Variants in RBFOX1 observed in about 807,000 individuals in gnomAD.
The protein encoded by RBFOX1 is RNA binding fox-1 homolog 1, also known as RNA binding protein fox-1 homolog 1.
A neutral mutation model predicts 57.7 loss-of-function variants in RBFOX1; 8 were observed. The observed-to-expected ratio is 0.14, with a 90% confidence interval of 0.08 to 0.25. The LOEUF is 0.25. Among genes scored for constraint, RBFOX1 ranks in the 10% least tolerant of loss-of-function variants. The pLI, the probability that RBFOX1 is intolerant of heterozygous loss-of-function variation, is 1.00. For synonymous variants in RBFOX1, 326 were observed against 222.4 expected (o/e 1.47, Z -4.15); for missense variants, 611 against 548.5 (o/e 1.11, Z -1.14).
At position 7,236,030 on chromosome 16, in the gene RBFOX1, G is replaced by C. The variant is rs886318121; in HGVS notation, c.27+183932G>C. Among the ~76,000 whole-genome samples the C allele has an allele frequency of 2.0e-5, 3 of 152,124 alleles. No homozygotes were observed. In the East Asian group the frequency reaches 5.8e-4, roughly 29 times the overall value. ...GATTTAACTAGACCATGGTCATTTT[G>C]TATAAATAGTTCCTCAGATCAAAAA... On this transcript the variant is annotated intron_variant, in intron 4 of 15. Coordinates refer to ENST00000550418, the MANE Select transcript of RBFOX1 (RefSeq NM_018723.4).
chr16:7,628,005 T>A (rs1481919659), intron 10 of RBFOX1, among the ~76,000 whole-genome samples: 3 of 151,896 alleles, frequency 2.0e-5, no homozygotes, highest in East Asian at 3.9e-4. Context: ...AAATTAGGAA[T>A]GCTTCATTAT....
intron 4 of RBFOX1, among the ~76,000 whole-genome samples, chr16:5,949,416 C>T (rs1363290804): frequency 6.6e-6 from 1 of 150,876 alleles, no homozygotes; most frequent in Non-Finnish European, 1.5e-5. Context: ...GTCCCAGCTA[C>T]TCGGGAGGCT....
Position 5,657,744 on chromosome 16 carries a change from T to G in RBFOX1, c.318+58783T>G, listed in dbSNP as rs1481122145. Among the ~76,000 whole-genome samples, 3 of 143,682 alleles carry G rather than the reference T, an allele frequency of 2.1e-5. No individual in the cohort carries two copies. The East Asian group carries it at 5.9e-4, about 28-fold the overall frequency. 94.3% of individuals were successfully genotyped at this position (143,682 alleles called of 152,430 possible). On this transcript the variant is annotated intron_variant, in intron 3 of 19. Coordinates refer to the RBFOX1 transcript ENST00000641259. Reference sequence around the variant, plus strand: ...TTTTGTTTCTTTTCTTTTCTTTTTTTTTTTTTGAGACAGAATCTCACTCTG... The same window carrying G: ...TTTTGTTTCTTTTCTTTTCTTTTTTGTTTTTTGAGACAGAATCTCACTCTG...
intron 3 of RBFOX1, among the ~76,000 whole-genome samples, chr16:5,632,178 A>G (rs1055551131): frequency 2.6e-5 from 4 of 152,336 alleles, no homozygotes; most frequent in East Asian, 1.9e-4. Flanking sequence ...TATCACATGT[A>G]TGCATTCAGT....
At chr16:6,888,197 C>G (rs1239217118) in intron 3 of RBFOX1, among the ~76,000 whole-genome samples, 1 of 151,766 alleles carries the variant, frequency 6.6e-6, no homozygotes, top group Non-Finnish European at 1.5e-5. Context: ...TTTCTTTACC[C>G]AAAAAATAAC....
At chr16:5,767,748 A>T (rs1378933236) in intron 3 of RBFOX1, among the ~76,000 whole-genome samples, 1 of 152,170 alleles carries the variant, frequency 6.6e-6, no homozygotes, top group Admixed American at 6.5e-5. Context: ...GTAATTAGAT[A>T]TTTAAAGACC....
chr16:5,605,916 C>T (rs2047559316), intron 3 of RBFOX1, among the ~76,000 whole-genome samples: 2 of 152,154 alleles, frequency 1.3e-5, no homozygotes, highest in South Asian at 2.1e-4. Context: ...AGACTTGTAG[C>T]AGCCATCATG....
intron 11 of RBFOX1, among the ~76,000 whole-genome samples, chr16:7,647,709 A>G (rs1406116091): frequency 6.6e-6 from 1 of 152,180 alleles, no homozygotes; most frequent in Non-Finnish European, 1.5e-5. Flanking sequence ...TTTATTTCAT[A>G]TTCTAGAAAT....
intron 5 of RBFOX1, among the ~76,000 whole-genome samples, chr16:7,520,269 T>C (rs528439640): frequency 3.9e-5 from 6 of 152,312 alleles, no homozygotes; most frequent in Admixed American, 2.6e-4. Flanking sequence ...TGTGGTAAAA[T>C]ACATATAACA....
At chr16:5,478,932 C>G (rs532320016) in intron 2 of RBFOX1, among the ~76,000 whole-genome samples, 4 of 152,310 alleles carry the variant, frequency 2.6e-5, no homozygotes, top group African/African-American at 7.2e-5. Context: ...AGGTGGGATC[C>G]TCACTATCAC....
intron 14 of RBFOX1, among the ~76,000 whole-genome samples, chr16:7,694,160 G>A (rs914935724): frequency 1.3e-5 from 2 of 152,118 alleles, no homozygotes; most frequent in Admixed American, 1.3e-4. Context: ...CCTAAACTAT[G>A]ACCAAAACAA....
chr16:5,953,656 G>T (rs2059564887), intron 4 of RBFOX1, among the ~76,000 whole-genome samples: 1 of 151,622 alleles, frequency 6.6e-6, no homozygotes, highest in South Asian at 2.1e-4. Context: ...CCAGGTTGCT[G>T]CGAATGCCAT....
At chr16:6,868,256 G>A (rs1030121762) in intron 3 of RBFOX1, among the ~76,000 whole-genome samples, 2 of 152,204 alleles carry the variant, frequency 1.3e-5, no homozygotes, top group Admixed American at 6.5e-5. Context: ...TGCAGCAGTG[G>A]ACACAGGAAG....
intron 3 of RBFOX1, among the ~76,000 whole-genome samples, chr16:6,987,248 T>A (rs1057439558): frequency 1.3e-5 from 2 of 152,168 alleles, no homozygotes; most frequent in Admixed American, 6.5e-5. Flanking sequence ...ATGCACAGAT[T>A]TATTGAATCA....
At chr16:6,867,913 A>G (rs557894751) in intron 3 of RBFOX1, among the ~76,000 whole-genome samples, 8 of 152,282 alleles carry the variant, frequency 5.3e-5, no homozygotes, top group African/African-American at 1.7e-4. Context: ...ACAAGAGAGT[A>G]ATCAAATATA....
intron 2 of RBFOX1, among the ~76,000 whole-genome samples, chr16:5,475,224 C>A (rs377715505): frequency 1.3e-5 from 2 of 152,202 alleles, no homozygotes; most frequent in Admixed American, 1.3e-4. Context: ...ACTTTTCTTG[C>A]TGCTTCATTT....
intron 2 of RBFOX1, among the ~76,000 whole-genome samples, chr16:6,468,897 C>A (rs1449240560): frequency 1.3e-5 from 2 of 152,020 alleles, no homozygotes; most frequent in Non-Finnish European, 2.9e-5. Flanking sequence ...GGTATTAAGC[C>A]TAGTACCTAC....
intron 4 of RBFOX1, among the ~76,000 whole-genome samples, chr16:7,086,767 G>T (rs1599088452): frequency 2.8e-5 from 2 of 72,602 alleles, no homozygotes; most frequent in Admixed American, 2.7e-4. Context: ...TCTAATGAGG[G>T]CGTGTGTATC....
At chr16:5,768,850 A>G (rs1281868729) in intron 3 of RBFOX1, among the ~76,000 whole-genome samples, 3 of 152,134 alleles carry the variant, frequency 2.0e-5, no homozygotes, top group African/African-American at 7.2e-5. Flanking sequence ...ATGCTCGACT[A>G]CACGGACCAT....
Sources: allele counts gnomAD v4.1 joint callset (sites outside exome capture counted in the v4.1 genomes callset), GRCh38; gene constraint gnomAD v4.1.1; transcripts MANE v1.5; gene names NCBI Gene and HGNC (gene_info 2026-07-23, HGNC 2026-07-21).